The following FAF1 variants were observed in gnomAD, a reference collection of about 807,000 sequenced individuals.
FAF1 encodes Fas associated factor 1.
A neutral mutation model predicts 92.5 loss-of-function variants in FAF1; 25 were observed. The observed-to-expected ratio is 0.27, with a 90% CI of 0.20 to 0.38. FAF1 has a LOEUF of 0.38. Among genes scored for constraint, FAF1 ranks in the 10% least tolerant of loss-of-function variants. The probability of loss-of-function intolerance (pLI) is 1.00; values close to 1 mark genes in which losing one functional copy is unlikely to be tolerated. For synonymous variants in FAF1, 234 were observed against 273.2 expected, an observed-to-expected ratio of 0.86 and a Z score of 1.42; for missense variants, 636 against 793.3, an observed-to-expected ratio of 0.80 and a Z score of 2.38.
intron 15 of FAF1, among the ~76,000 whole-genome samples, chr1:50,498,943 A>C (rs1557970527): frequency 6.6e-6 from 1 of 152,186 alleles, no homozygotes; most frequent in African/African-American, 2.4e-5. Context: ...TCATAGTAGC[A>C]TTATTTACAA....
intron 17 of FAF1, among the ~76,000 whole-genome samples, chr1:50,480,967 G>A (rs757917270): frequency 2.6e-4 from 40 of 152,054 alleles, no homozygotes; most frequent in Non-Finnish European, 5.4e-4. Flanking sequence ...TAGACCTTGT[G>A]TAGGCCTAGC....
chr1:50,782,804 A>G (rs1231936572), intron 4 of FAF1, among the ~76,000 whole-genome samples: 1 of 152,184 alleles, frequency 6.6e-6, no homozygotes, highest in Non-Finnish European at 1.5e-5. Context: ...CAGTGCTTAT[A>G]AAGTCTGCAT....
At chr1:50,538,471 T>C (rs1648603093) in intron 14 of FAF1, among the ~76,000 whole-genome samples, 1 of 152,022 alleles carries the variant, frequency 6.6e-6, no homozygotes, top group Non-Finnish European at 1.5e-5. Flanking sequence ...TGTTATGGCT[T>C]TGATTCGTGC....
intron 4 of FAF1, among the ~76,000 whole-genome samples, chr1:50,776,309 CAAAAT>C (rs1052813130): frequency 6.6e-5 from 10 of 152,226 alleles, no homozygotes; most frequent in African/African-American, 2.4e-4. Context: ...CAACTGGACT[CAAAAT>C]GAATTTTAAA....
intron 4 of FAF1, among the ~76,000 whole-genome samples, chr1:50,786,667 A>C (rs1225407034): frequency 1.3e-5 from 2 of 152,330 alleles, no homozygotes; most frequent in Middle Eastern, 3.4e-3. Flanking sequence ...GGGTTTATCT[A>C]GAAGAATAAT....
At chr1:50,638,922 A>C (rs185139313) in intron 8 of FAF1, among the ~76,000 whole-genome samples, 1 of 152,324 alleles carries the variant, frequency 6.6e-6, no homozygotes, top group Non-Finnish European at 1.5e-5. Flanking sequence ...GCACAAACAC[A>C]ATTCTAATAC....
At chr1:50,722,364 T>C (rs1039358693) in intron 6 of FAF1, among the ~76,000 whole-genome samples, 5 of 152,164 alleles carry the variant, frequency 3.3e-5, no homozygotes, top group Admixed American at 2.6e-4. Context: ...AAGAGCACTA[T>C]AAGGCCGGGC....
chr1:50,834,981 A>C (rs1644187319), intron 2 of FAF1, among the ~76,000 whole-genome samples: 1 of 152,222 alleles, frequency 6.6e-6, no homozygotes, highest in Non-Finnish European at 1.5e-5. Context: ...AACAGATAAC[A>C]CAGCAAAGAA....
chr1:50,827,639 T>A (rs1644114095), intron 2 of FAF1, among the ~76,000 whole-genome samples: 1 of 150,694 alleles, frequency 6.6e-6, no homozygotes, highest in Non-Finnish European at 1.5e-5. Flanking sequence ...TACTAAAAAA[T>A]AAATAAATAA....
intron 2 of FAF1, among the ~76,000 whole-genome samples, chr1:50,838,276 C>G (rs1644226762): frequency 1.3e-5 from 2 of 151,852 alleles, no homozygotes; most frequent in South Asian, 4.2e-4. Context: ...GGATATTCAT[C>G]AACTGATATT....
chr1:50,847,419 TAAA>T (rs57172783), intron 2 of FAF1, among the ~76,000 whole-genome samples: 4 of 119,616 alleles, frequency 3.3e-5, no homozygotes, highest in African/African-American at 6.3e-5. Context: ...TGCCTGAAAT[TAAA>T]AAAAAAAAAA....
At chr1:50,821,615 G>A (rs1644043826) in intron 2 of FAF1, among the ~76,000 whole-genome samples, 1 of 152,124 alleles carries the variant, frequency 6.6e-6, no homozygotes, top group Non-Finnish European at 1.5e-5. Context: ...ATAATTTTGA[G>A]AAAGTTACTT....
At chr1:50,818,842 C>T (rs1169610973) in intron 2 of FAF1, among the ~76,000 whole-genome samples, 1 of 137,450 alleles carries the variant, frequency 7.3e-6, no homozygotes, top group African/African-American at 2.7e-5. Flanking sequence ...ATCCCCCCAC[C>T]AAAAAAAAAA....
At chr1:50,680,979 A>G (rs1474855385) in intron 7 of FAF1, among the ~76,000 whole-genome samples, 6 of 152,142 alleles carry the variant, frequency 3.9e-5, no homozygotes, top group African/African-American at 9.7e-5. Context: ...ATGCATTTAC[A>G]TATACAAACT....
At chr1:50,464,960 C>T (rs1646476258) in intron 18 of FAF1, among the ~76,000 whole-genome samples, 1 of 152,236 alleles carries the variant, frequency 6.6e-6, no homozygotes, top group South Asian at 2.1e-4. Flanking sequence ...GTAACCTTTA[C>T]ATCCAATCAT....
intron 4 of FAF1, among the ~76,000 whole-genome samples, chr1:50,776,293 T>TA (rs559529783): frequency 3.0e-4 from 46 of 152,316 alleles, no homozygotes; most frequent in African/African-American, 1.1e-3. Flanking sequence ...AGACACATTA[T>TA]AAATACAACT....
intron 7 of FAF1, among the ~76,000 whole-genome samples, chr1:50,665,801 GT>G (rs1655590715): frequency 6.6e-6 from 1 of 152,136 alleles, no homozygotes; most frequent in Admixed American, 6.5e-5. Flanking sequence ...TAAAAACCAG[GT>G]TACAAAATAA....
intron 13 of FAF1, among the ~76,000 whole-genome samples, chr1:50,545,784 T>C (rs1182452351): frequency 5.3e-5 from 8 of 152,192 alleles, no homozygotes; most frequent in Non-Finnish European, 1.2e-4. Context: ...AACAAGCATT[T>C]AGTCTATAGA....
intron 7 of FAF1, among the ~76,000 whole-genome samples, chr1:50,686,896 T>A (rs996528399): frequency 6.6e-6 from 1 of 152,168 alleles, no homozygotes; most frequent in African/African-American, 2.4e-5. Flanking sequence ...TGGCGCGATC[T>A]TGGCTCACTG....
Sources: allele counts gnomAD v4.1 joint callset (sites outside exome capture counted in the v4.1 genomes callset), GRCh38; gene constraint gnomAD v4.1.1; transcripts MANE v1.5; gene names NCBI Gene and HGNC (gene_info 2026-07-23, HGNC 2026-07-21).